Variants in VWC2L observed in about 807,000 individuals in gnomAD.
The protein encoded by VWC2L is von Willebrand factor C domain-containing protein 2-like.
A neutral mutation model predicts 21.6 loss-of-function variants in VWC2L; 10 were observed. The observed-to-expected ratio is 0.46, with a 90% CI of 0.29 to 0.78. VWC2L has a LOEUF of 0.78. Ranked by LOEUF, VWC2L falls within the 30% of genes least tolerant of loss-of-function variation. VWC2L has a pLI of 0.10. For missense variants in VWC2L, 209 were observed against 277.1 expected (o/e 0.75, Z 1.74); for synonymous variants, 96 against 94.3 (o/e 1.02, Z -0.10).
chr2:214,419,984 G>A (rs1702411970), intron 2 of VWC2L, among the ~76,000 whole-genome samples: 1 of 152,098 alleles, frequency 6.6e-6, no homozygotes, highest in Admixed American at 6.6e-5. Context: ...GCTGGAACCT[G>A]GGAGGTGGAG....
rs955066930 is a variant in VWC2L at position 214,570,702 on chromosome 2, T to G, written c.521-4970T>G. The stretch of plus-strand genomic sequence containing the variant: ...GGTGTTTCATTTAAAAAAAAAAAGT[T>G]TTCATGTGTGAATTTTCCTACCTTT... On this transcript the variant is annotated intron_variant, in intron 3 of 3. Coordinates refer to ENST00000312504, the MANE Select transcript of VWC2L (RefSeq NM_001080500.4). Among the ~76,000 whole-genome samples the G allele has an allele frequency of 2.7e-5, 4 of 147,962 alleles. 1 individual carries two copies. The highest frequency in any genetic ancestry group is 6.0e-5 in the Non-Finnish European group (4 of 67,186).
chr2:214,525,062 C>CACAG (rs1304158531), intron 3 of VWC2L: 1 of 115,024 alleles, frequency 8.7e-6, no homozygotes, highest in Non-Finnish European at 1.9e-5. Context: ...CACACACACA[C>CACAG]ACACACACAC....
intron 3 of VWC2L, among the ~76,000 whole-genome samples, chr2:214,551,014 T>A (rs893632810): frequency 6.6e-6 from 1 of 152,172 alleles, no homozygotes; most frequent in Non-Finnish European, 1.5e-5. Context: ...AACTTCCTCT[T>A]TGCCCAGCAC....
At chr2:214,458,373 A>G (rs1453212151) in intron 3 of VWC2L, among the ~76,000 whole-genome samples, 2 of 152,028 alleles carry the variant, frequency 1.3e-5, no homozygotes, top group Non-Finnish European at 1.5e-5. Flanking sequence ...CTTTTCAAAA[A>G]GACAACTTTT....
intron 3 of VWC2L, among the ~76,000 whole-genome samples, chr2:214,457,903 CA>C (rs1187150303): frequency 6.6e-6 from 1 of 152,100 alleles, no homozygotes; most frequent in African/African-American, 2.4e-5. Context: ...CTATGTTCTT[CA>C]GGGATATTGA....
chr2:214,572,264 T>G (rs6435836), intron 3 of VWC2L, among the ~76,000 whole-genome samples: 47,652 of 152,062 alleles, frequency 0.31, 9,021 homozygotes, highest in African/African-American at 0.55. Context: ...AGAACAGTTG[T>G]TCACCATTTT....
In VWC2L at chr2:214,431,934, C is replaced by T. The variant is rs563479053; in HGVS notation, c.391-4695C>T. On this transcript the variant is annotated intron_variant, in intron 2 of 3. Coordinates refer to ENST00000312504, the MANE Select transcript of VWC2L (RefSeq NM_001080500.4). The stretch of plus-strand genomic sequence containing the variant: ...GCTTGAAGATTGACTTACCTGTGAT[C>T]TGCATGATGAATATTATGAATTTAA... Among the ~76,000 whole-genome samples the T allele has an allele frequency of 7.9e-5, 12 of 152,256 alleles. No individual in the cohort carries two copies. In the East Asian group the frequency reaches 2.1e-3, roughly 27 times the overall value.
At chr2:214,565,632 C>T (rs1324064570) in intron 3 of VWC2L, among the ~76,000 whole-genome samples, 1 of 152,138 alleles carries the variant, frequency 6.6e-6, no homozygotes, top group African/African-American at 2.4e-5. Flanking sequence ...GATGTCTTGA[C>T]ATTTTTTTAA....
At chr2:214,472,578 C>A (rs539814850) in intron 3 of VWC2L, among the ~76,000 whole-genome samples, 10 of 152,082 alleles carry the variant, frequency 6.6e-5, no homozygotes, top group Non-Finnish European at 1.0e-4. Context: ...ATAAGAACCA[C>A]CTTTGAATAC....
In VWC2L at chr2:214,508,039, T is replaced by G. The variant is rs377527205; in HGVS notation, c.521-67633T>G. The stretch of plus-strand genomic sequence containing the variant: ...TCGCCCAGGCTGGAGTGCAGTGGCG[T>G]GATCTCGGCTCACTGCAAGCTCCGC... On this transcript the variant is annotated intron_variant, in intron 3 of 3. Transcript: ENST00000312504. Among the ~76,000 whole-genome samples, 69 of 152,282 alleles carry G rather than the reference T, an allele frequency of 4.5e-4. 3 individuals are homozygous for G. The East Asian group carries it at 0.01, about 23-fold the overall frequency.
chr2:214,551,791 C>G (rs1379280815), intron 3 of VWC2L, among the ~76,000 whole-genome samples: 1 of 152,212 alleles, frequency 6.6e-6, no homozygotes, highest in African/African-American at 2.4e-5. Context: ...ACAAATATTC[C>G]TCTTCATACC....
intron 2 of VWC2L, among the ~76,000 whole-genome samples, chr2:214,424,008 GAAC>G (rs1376380793): frequency 2.0e-5 from 3 of 151,714 alleles, no homozygotes; most frequent in African/African-American, 4.8e-5. Context: ...TGTGGCATTA[GAAC>G]AACAACAACA....
chr2:214,529,691 G>A (rs891111020), intron 3 of VWC2L, among the ~76,000 whole-genome samples: 4 of 152,076 alleles, frequency 2.6e-5, no homozygotes, highest in African/African-American at 7.2e-5. Flanking sequence ...TCTACAAATC[G>A]GGTTCACAGG....
chr2:214,551,659 G>A (rs188329404), intron 3 of VWC2L, among the ~76,000 whole-genome samples: 3 of 152,106 alleles, frequency 2.0e-5, no homozygotes, highest in African/African-American at 7.2e-5. Context: ...CTTAAAACCT[G>A]CAGTTCATTA....
At chr2:214,568,459 C>T (rs114328074) in intron 3 of VWC2L, among the ~76,000 whole-genome samples, 170 of 152,234 alleles carry the variant, frequency 1.1e-3, no homozygotes, top group African/African-American at 3.9e-3. Context: ...ATACCCGAGA[C>T]TAGGTAATGT....
At chr2:214,542,951 A>G (rs1275576110) in intron 3 of VWC2L, among the ~76,000 whole-genome samples, 1 of 152,174 alleles carries the variant, frequency 6.6e-6, no homozygotes, top group African/African-American at 2.4e-5. Context: ...GTATCATACT[A>G]ATGCCTTTTC....
chr2:214,555,676 C>G (rs1297664893), intron 3 of VWC2L, among the ~76,000 whole-genome samples: 1 of 152,202 alleles, frequency 6.6e-6, no homozygotes, highest in African/African-American at 2.4e-5. Context: ...ACCATCCCCA[C>G]TTCTAAATGT....
chr2:214,513,587 A>G (rs1008837814), intron 3 of VWC2L, among the ~76,000 whole-genome samples: 2 of 152,026 alleles, frequency 1.3e-5, no homozygotes, highest in African/African-American at 4.8e-5. Flanking sequence ...GTCCAACATG[A>G]TATGTGGCCA....
chr2:214,512,104 C>T (rs10170883), intron 3 of VWC2L, among the ~76,000 whole-genome samples: 119,526 of 151,872 alleles, frequency 0.79, 48,735 homozygotes, highest in East Asian at 0.99. Flanking sequence ...CTTGATATCA[C>T]TTGATTATGG....
Sources: gnomAD v4.1 joint callset for allele counts (sites outside exome capture counted in the v4.1 genomes callset) on GRCh38, gnomAD v4.1.1 for gene constraint, MANE v1.5 for transcripts, NCBI Gene and HGNC (gene_info 2026-07-23, HGNC 2026-07-21) for gene names.